WDR49: variants seen among roughly 807,000 people sequenced by gnomAD.
WDR49 encodes the protein cilia- and flagella-associated protein 337.
Under a neutral mutation model 119.5 loss-of-function variants are expected in WDR49, and 107 were observed. The observed-to-expected ratio is 0.90, with a 90% CI of 0.77 to 1.05. The LOEUF (loss-of-function observed/expected upper bound fraction) is 1.05, where lower values mean the gene tolerates loss of function less well. WDR49 is among the 50% of genes least tolerant of loss of function. The probability of loss-of-function intolerance (pLI) is 0.00; values close to 1 mark genes in which losing one functional copy is unlikely to be tolerated. For missense variants in WDR49, 1,240 were observed against 1,220.5 expected (o/e 1.02, Z -0.24); for synonymous variants, 425 against 418.8 (o/e 1.01, Z -0.18).
intron 2 of WDR49, among the ~76,000 whole-genome samples, chr3:167,635,668 G>T (rs140211286): frequency 5.3e-5 from 8 of 151,746 alleles, no homozygotes; most frequent in Non-Finnish European, 7.4e-5. Flanking sequence ...CTCTGTCAAA[G>T]GTTGGCAGTG....
At chr3:167,512,183 A>G (rs1305089024) in intron 16 of WDR49, among the ~76,000 whole-genome samples, 3 of 152,080 alleles carry the variant, frequency 2.0e-5, no homozygotes, top group Admixed American at 6.6e-5. Flanking sequence ...GTCACCAGAA[A>G]CCTCATACAG....
chr3:167,556,290 G>A (rs1712924199), intron 9 of WDR49, among the ~76,000 whole-genome samples: 1 of 152,094 alleles, frequency 6.6e-6, no homozygotes. Flanking sequence ...TGTGATACAG[G>A]AACTTTACTC....
intron 10 of WDR49, among the ~76,000 whole-genome samples, chr3:167,548,153 G>A (rs1042685985): frequency 1.3e-5 from 2 of 151,934 alleles, no homozygotes; most frequent in Non-Finnish European, 2.9e-5. Context: ...TTTTAAATGG[G>A]ACAGTTCTTT....
intron 16 of WDR49, among the ~76,000 whole-genome samples, chr3:167,517,279 G>A (rs559481146): frequency 5.3e-5 from 8 of 152,106 alleles, no homozygotes; most frequent in African/African-American, 1.9e-4. Flanking sequence ...TGTACTACAC[G>A]GCTACAGTAA....
At chr3:167,597,268 C>T (rs1456914002) in intron 7 of WDR49, among the ~76,000 whole-genome samples, 1 of 152,216 alleles carries the variant, frequency 6.6e-6, no homozygotes, top group East Asian at 1.9e-4. Context: ...GTGCAAGCTC[C>T]AAGCATTGGC....
At chr3:167,550,777 T>G (rs1182574057) in intron 10 of WDR49, among the ~76,000 whole-genome samples, 2 of 148,000 alleles carry the variant, frequency 1.4e-5, no homozygotes, top group African/African-American at 5.0e-5. Flanking sequence ...TTTTTTTTTT[T>G]TGAGAGAGAG....
In WDR49 at chr3:167,533,191, G is replaced by A. The variant is rs79591942; in HGVS notation, c.1955-214C>T. On this transcript the variant is annotated intron_variant, in intron 11 of 18. Coordinates refer to ENST00000682715, the MANE Select transcript of WDR49 (RefSeq NM_001366157.1). ...CACAGTATAACCTGAGCATGGGTGT[G>A]TAGAAATTACTGTTGTTTCCTTTTA... Among the ~76,000 whole-genome samples, 713 of 152,220 alleles carry A rather than the reference G, an allele frequency of 4.7e-3. 5 individuals carry two copies. Among genetic ancestry groups the A allele is most frequent in the African/African-American group, 0.016 (675 of 41,546 alleles).
Position 167,503,616 on chromosome 3 carries a change from T to C in WDR49, c.2884+1691A>G, listed in dbSNP as rs1017130898. On this transcript the variant is annotated intron_variant, in intron 17 of 18. Transcript: ENST00000682715. ...GAACAATGGCAAGCCTTTAGCCCGATCGGGAGCAGCAATGAGTGCCTTGCT... is the reference window on the plus strand; with the variant it reads ...GAACAATGGCAAGCCTTTAGCCCGACCGGGAGCAGCAATGAGTGCCTTGCT... Among the ~76,000 whole-genome samples the C allele has an allele frequency of 2.0e-5, 3 of 152,108 alleles. No homozygotes were observed. The South Asian group carries it at 6.2e-4, about 32-fold the overall frequency.
At chr3:167,488,411 G>C (rs903805356) in intron 18 of WDR49, among the ~76,000 whole-genome samples, 2 of 151,654 alleles carry the variant, frequency 1.3e-5, no homozygotes, top group South Asian at 2.1e-4. Context: ...TGGAGTGAGG[G>C]GCATGGTTTG....
chr3:167,519,714 T>C (rs754874354), intron 16 of WDR49, among the ~76,000 whole-genome samples: 4 of 151,988 alleles, frequency 2.6e-5, no homozygotes, highest in African/African-American at 9.7e-5. Context: ...TATAGGTCAA[T>C]AGGTGCAGCA....
chr3:167,478,901 CACA>C lies in WDR49; in HGVS notation c.3124_3126del (p.Cys1042del). The C allele has an allele frequency of 6.2e-7, 1 of 1,607,796 alleles. No homozygotes were observed. Among genetic ancestry groups the C allele is most frequent in the Admixed American group, 1.7e-5 (1 of 58,516 alleles). On this transcript the variant is annotated inframe_deletion, in exon 19 of 19. Coordinates refer to ENST00000682715, the MANE Select transcript of WDR49 (RefSeq NM_001366157.1). ...AATTACTTCTTATTTTTCTTCACTT[CACA>C]ACTTTTTTCTTGGCATAATTGCTTG... is the stretch of plus-strand genomic sequence containing the variant.
intron 2 of WDR49, 139 bp downstream of exon 2, chr3:167,653,122 G>T (rs1577303403): frequency 1.0e-6 from 1 of 987,946 alleles, no homozygotes; most frequent in Non-Finnish European, 1.5e-6. Flanking sequence ...TTAAATCCAG[G>T]CCTAACCAAT....
At chr3:167,609,515 C>T (rs1349302937) in intron 5 of WDR49, among the ~76,000 whole-genome samples, 2 of 152,164 alleles carry the variant, frequency 1.3e-5, no homozygotes, top group African/African-American at 2.4e-5. Context: ...AGGGGAATCG[C>T]CCAGCCCAGA....
At position 167,553,261 on chromosome 3, in the gene WDR49, G is replaced by A. The variant is rs151317676; in HGVS notation, c.1823+1389C>T. ...AAGTCCTGACAACCTTGAGGATAAC[G>A]GAAAACATGAAGGAAGATGGAAAAA... is the stretch of plus-strand genomic sequence containing the variant. On this transcript the variant is annotated intron_variant, in intron 10 of 18. Coordinates refer to ENST00000682715, the MANE Select transcript of WDR49 (RefSeq NM_001366157.1). Among the ~76,000 whole-genome samples the A allele has an allele frequency of 2.8e-4, 43 of 152,014 alleles. No individual in the cohort carries two copies. In the East Asian group the frequency reaches 7.3e-3, roughly 26 times the overall value.
At chr3:167,640,512 G>C (rs1717830133) in intron 2 of WDR49, among the ~76,000 whole-genome samples, 1 of 151,828 alleles carries the variant, frequency 6.6e-6, no homozygotes, top group Non-Finnish European at 1.5e-5. Context: ...GTAACAAGAA[G>C]ACCAAAAATC....
intron 2 of WDR49, among the ~76,000 whole-genome samples, chr3:167,627,806 C>G (rs146443861): frequency 0.01 from 1,594 of 152,144 alleles, 11 homozygotes; most frequent in Middle Eastern, 0.027. Context: ...GAAATTAGTA[C>G]AGGCATATCT....
rs181509495 is a variant in WDR49 at position 167,626,346 on chromosome 3, T to G, written c.606+506A>C. Among the ~76,000 whole-genome samples, 9 of 152,150 alleles carry G rather than the reference T, an allele frequency of 5.9e-5. No individual in the cohort carries two copies. In the South Asian group the frequency reaches 1.5e-3, roughly 25 times the overall value. ...AAATCTACCATCTGCTTCATATAAA[T>G]TATTACCAATATGGATACTTCAAGC... On this transcript the variant is annotated intron_variant, in intron 3 of 18. Transcript: ENST00000682715.
At chr3:167,532,853 TA>T in intron 12 of WDR49, 25 bp downstream of exon 12, 2 of 1,566,994 alleles carry the variant, frequency 1.3e-6, no homozygotes, top group South Asian at 2.3e-5. Context: ...CTAGCCATGT[TA>T]TTTTCGTTTC....
intron 7 of WDR49, among the ~76,000 whole-genome samples, chr3:167,579,426 A>G (rs1198015516): frequency 6.6e-6 from 1 of 152,150 alleles, no homozygotes; most frequent in African/African-American, 2.4e-5. Context: ...ATGAAATTTT[A>G]TGGGACTTTT....
Sources: allele counts gnomAD v4.1 joint callset (sites outside exome capture counted in the v4.1 genomes callset), GRCh38; gene constraint gnomAD v4.1.1; transcripts MANE v1.5; gene names NCBI Gene and HGNC (gene_info 2026-07-23, HGNC 2026-07-21).